Variants in ARHGEF7 observed in about 807,000 individuals in gnomAD.
ARHGEF7 encodes the protein PAK-interacting exchange factor beta.
In ARHGEF7, 33 loss-of-function variants were observed where a neutral mutation model predicts 109.8. The ratio of observed to expected loss-of-function variants is 0.30; its 90% CI spans 0.23 to 0.40. The LOEUF (loss-of-function observed/expected upper bound fraction) is 0.40. ARHGEF7 is among the 10% of genes least tolerant of loss of function. The pLI is 1.00. For synonymous variants in ARHGEF7, 458 were observed against 424.6 expected, an observed-to-expected ratio of 1.08 and a Z score of -0.97; for missense variants, 938 against 1,098.5, an observed-to-expected ratio of 0.85 and a Z score of 2.07.
At chr13:111,233,439 G>A (rs1290114170) in intron 6 of ARHGEF7, 146 bp downstream of exon 6, 2 of 662,372 alleles carry the variant, frequency 3.0e-6, no homozygotes, top group Non-Finnish European at 5.3e-6. Flanking sequence ...CACCATTAAG[G>A]TTTTGGTCTG....
rs1863591635 is a variant in ARHGEF7, at chr13:111,153,907, C to T, written c.168C>T (p.Val56=). 4.4e-6 allele frequency: 7 copies of T among 1,604,634 alleles called. No homozygotes were observed. Among genetic ancestry groups the T allele is most frequent in the Non-Finnish European group, 5.9e-6 (7 of 1,176,968 alleles). ...ERLLPGTIEK[V]YPEPRSESEC... ...AGCGCTTGTGCTCTGTATTGCAGGT[C>T]TACCCCGAGCCCCGGAGCGAGAGCG... The change falls in exon 2 of 22, where the codon GTC becomes GTT. Residue 56 remains valine, a splice_region_variant and synonymous_variant. Transcript: ENST00000646102.
intron 2 of ARHGEF7, among the ~76,000 whole-genome samples, chr13:111,175,877 G>A (rs1480848402): frequency 6.6e-6 from 1 of 152,180 alleles, no homozygotes; most frequent in Non-Finnish European, 1.5e-5. Flanking sequence ...TAACAGTTGT[G>A]GCAAAAGGGG....
chr13:111,275,729 C>T (rs1300980556), intron 12 of ARHGEF7, 51 bp downstream of exon 12: 2 of 1,609,468 alleles, frequency 1.2e-6, no homozygotes, highest in South Asian at 1.1e-5. Context: ...CTCTTAGGAG[C>T]TCATAGCAGA....
intron 8 of ARHGEF7, among the ~76,000 whole-genome samples, chr13:111,247,486 G>C (rs1448424722): frequency 6.6e-6 from 1 of 152,084 alleles, no homozygotes; most frequent in Admixed American, 6.5e-5. Context: ...GGTCAGGCTG[G>C]TCATGAGCTC....
At chr13:111,253,291 A>G (rs1566969131) in intron 8 of ARHGEF7, among the ~76,000 whole-genome samples, 1 of 152,278 alleles carries the variant, frequency 6.6e-6, no homozygotes, top group African/African-American at 2.4e-5. Flanking sequence ...AATTGCCTCT[A>G]TGGGAAAATG....
intron 1 of ARHGEF7, among the ~76,000 whole-genome samples, chr13:111,120,378 T>C (rs945735531): frequency 6.6e-6 from 1 of 152,192 alleles, no homozygotes; most frequent in Non-Finnish European, 1.5e-5. Flanking sequence ...CACGCATACA[T>C]GCACACTTGC....
intron 13 of ARHGEF7, among the ~76,000 whole-genome samples, chr13:111,279,295 C>T (rs796820971): frequency 3.9e-5 from 6 of 151,986 alleles, no homozygotes; most frequent in African/African-American, 1.2e-4. Context: ...GCACTGCTGA[C>T]GTTCTGGACT....
chr13:111,133,444 G>A (rs1049265009), intron 1 of ARHGEF7, among the ~76,000 whole-genome samples: 22 of 151,888 alleles, frequency 1.4e-4, no homozygotes, highest in Admixed American at 5.9e-4. Flanking sequence ...GCTTATGGGC[G>A]GAAAATATCT....
chr13:111,186,769 T>G, intron 2 of ARHGEF7: 1 of 980,046 alleles, frequency 1.0e-6, no homozygotes, highest in Non-Finnish European at 1.2e-6. Context: ...AGCTGACTGG[T>G]GGCAACGCAG....
chr13:111,203,190 T>G, intron 2 of ARHGEF7: 1 of 952,052 alleles, frequency 1.1e-6, no homozygotes, highest in Admixed American at 3.0e-5. Flanking sequence ...GACTTGAATT[T>G]TCAGAGCACT....
At chr13:111,128,408 G>A (rs369217289) in intron 1 of ARHGEF7, among the ~76,000 whole-genome samples, 2 of 152,122 alleles carry the variant, frequency 1.3e-5, no homozygotes, top group African/African-American at 2.4e-5. Context: ...CAGGAGAATC[G>A]CCTGAACCTG....
chr13:111,192,817 T>C (rs1195223034), intron 2 of ARHGEF7, among the ~76,000 whole-genome samples: 1 of 152,226 alleles, frequency 6.6e-6, no homozygotes, highest in Non-Finnish European at 1.5e-5. Context: ...ATTAGGACTT[T>C]AATCACTTCC....
chr13:111,292,494 C>T (rs111578414), intron 19 of ARHGEF7, 200 bp downstream of exon 19: 13 of 1,430,072 alleles, frequency 9.1e-6, no homozygotes, highest in Admixed American at 8.7e-5. Context: ...ACTGCCGATG[C>T]GAGTATACAT....
At chr13:111,295,049 A>G in intron 19 of ARHGEF7, 1 of 985,696 alleles carries the variant, frequency 1.0e-6, no homozygotes, top group Non-Finnish European at 1.2e-6. Flanking sequence ...CCATTTGAAA[A>G]ACTCAATTGG....
At chr13:111,203,098 G>C in intron 2 of ARHGEF7, 1 of 1,282,598 alleles carries the variant, frequency 7.8e-7, no homozygotes, top group South Asian at 1.3e-5. Context: ...TTTGTGACTT[G>C]CTGCCTTGCC....
chr13:111,187,131 G>A (rs8001712), intron 2 of ARHGEF7: 399,432 of 449,444 alleles, frequency 0.89, 177,811 homozygotes, highest in Admixed American at 0.92. Flanking sequence ...TGCTACAGTG[G>A]TGTCCCTTAG....
intron 2 of ARHGEF7, among the ~76,000 whole-genome samples, chr13:111,169,955 A>C (rs2077448309): frequency 6.6e-6 from 1 of 152,166 alleles, no homozygotes; most frequent in Admixed American, 6.5e-5. Flanking sequence ...GTGAGAGAGC[A>C]CCTGAGTGCT....
intron 1 of ARHGEF7, among the ~76,000 whole-genome samples, chr13:111,139,632 G>C (rs2075258053): frequency 6.6e-6 from 1 of 152,162 alleles, no homozygotes; most frequent in Non-Finnish European, 1.5e-5. Context: ...GAGCACTGGC[G>C]GCAGACAGGG....
chr13:111,235,666 A>G (rs2086703646), intron 6 of ARHGEF7, among the ~76,000 whole-genome samples: 1 of 152,270 alleles, frequency 6.6e-6, no homozygotes, highest in Non-Finnish European at 1.5e-5. Context: ...GTCCAAGGTT[A>G]TACACTGGTT....
Sources: allele counts gnomAD v4.1 joint callset (sites outside exome capture counted in the v4.1 genomes callset), GRCh38; gene constraint gnomAD v4.1.1; transcripts MANE v1.5; gene names NCBI Gene and HGNC (gene_info 2026-07-23, HGNC 2026-07-21).